Variants in CLCNKB observed in about 807,000 individuals in gnomAD.
CLCNKB encodes chloride voltage-gated channel Kb, also known as chloride channel protein ClC-Kb.
A neutral mutation model predicts 83.8 loss-of-function variants in CLCNKB; 74 were observed. The ratio of observed to expected loss-of-function variants is 0.88; its 90% CI spans 0.73 to 1.07. The LOEUF is 1.07. CLCNKB is among the 50% of genes least tolerant of loss of function. The pLI, the probability that CLCNKB is intolerant of heterozygous loss-of-function variation, is 0.00. For synonymous variants in CLCNKB, 358 were observed against 356.6 expected (o/e 1.00, Z -0.04); for missense variants, 798 against 893.6 (o/e 0.89, Z 1.36).
chr1:16,045,536 G>C, intron 2 of CLCNKB, 22 bp from the exon 3 acceptor site: 1 of 1,611,240 alleles, frequency 6.2e-7, no homozygotes, highest in Non-Finnish European at 8.5e-7. Flanking sequence ...ACCCTGTGCC[G>C]TGACCCCATG....
chr1:16,052,109 C>G, intron 14 of CLCNKB, 89 bp from the exon 15 acceptor site: 4 of 1,526,458 alleles, frequency 2.6e-6, no homozygotes, highest in Non-Finnish European at 3.6e-6. Flanking sequence ...CAAATCACAC[C>G]TTAGCCCCTG....
rs2023476326 is a variant in CLCNKB at position 16,057,184 on chromosome 1, C to T, written c.*268C>T. ...CCAGTATCTGCCAGTTGCTCAGTGACTGGCCATCACATTAATGAATGATGA... is the reference window on the plus strand; with the variant it reads ...CCAGTATCTGCCAGTTGCTCAGTGATTGGCCATCACATTAATGAATGATGA... On this transcript the variant is annotated 3_prime_UTR_variant, in exon 20 of 20. Coordinates refer to ENST00000375679, the MANE Select transcript of CLCNKB (RefSeq NM_000085.5). The T allele has an allele frequency of 1.4e-6, 1 of 693,286 alleles. No individual in the cohort carries two copies. Among genetic ancestry groups the T allele is most frequent in the African/African-American group, 1.8e-5 (1 of 56,914 alleles). 42.9% of individuals were successfully genotyped at this position (693,286 alleles called of 1,614,324 possible).
chr1:16,052,031 T>G (rs920356010), intron 14 of CLCNKB, among the ~76,000 whole-genome samples, 167 bp from the exon 15 acceptor site: 2 of 152,086 alleles, frequency 1.3e-5, no homozygotes, highest in Non-Finnish European at 2.9e-5. Flanking sequence ...GCGGCCTCCC[T>G]TATCCCTCTC....
chr1:16,049,176 A>G lies in CLCNKB; in HGVS notation c.712A>G (p.Arg238Gly). 1.9e-6 allele frequency: 3 copies of G among 1,613,386 alleles called. No individual in the cohort carries two copies. The highest frequency in any genetic ancestry group is 2.5e-6 in the Non-Finnish European group (3 of 1,179,958). The change falls in exon 8 of 20, where the codon AGG (arginine) becomes GGG (glycine). Residue 238 changes from arginine (R) to glycine (G), a missense_variant. Transcript: ENST00000375679. Reference sequence around the variant, plus strand: ...CCACTTCTCTGTCTGGGATTACTGGAGGGGCTTCTTTGCGGCCACCTGCGG... The same window carrying G: ...CCACTTCTCTGTCTGGGATTACTGGGGGGGCTTCTTTGCGGCCACCTGCGG... ...SSHFSVWDYW[R>G]GFFAATCGAF... is the part of the protein sequence containing the mutation.
chr1:16,056,133 G>A (rs1009242001), intron 18 of CLCNKB, among the ~76,000 whole-genome samples: 4 of 152,342 alleles, frequency 2.6e-5, no homozygotes, highest in East Asian at 1.9e-4. Context: ...CCTGGCACAC[G>A]GGTTGGGGAG....
rs374100834 is a variant in CLCNKB, at chr1:16,045,755, G to T, written c.229+69G>T. ...GAGCTCTCTCTGGGGATGCCAGGTG[G>T]ATGTCGCCAGGTGCAGCGGAGGTTG... On this transcript the variant is annotated intron_variant, in intron 3 of 19. Transcript: ENST00000375679. 5.8e-5 allele frequency: 75 copies of T among 1,293,818 alleles called. No individual in the cohort carries two copies. The East Asian group carries it at 2.3e-3, about 40-fold the overall frequency. 80.1% of individuals were successfully genotyped at this position (1,293,818 alleles called of 1,614,324 possible).
rs1346451575 is a variant in CLCNKB at position 16,052,420 on chromosome 1, T to G, written c.1622+9T>G. On this transcript the variant is annotated intron_variant, in intron 15 of 19. Coordinates refer to ENST00000375679, the MANE Select transcript of CLCNKB (RefSeq NM_000085.5). ...CTGGGCCGCAACATCGGGTGAGTGG[T>G]GCCCACCTCAGGCTGACTGAAGGGG... 3 of 1,612,624 alleles carry G rather than the reference T, an allele frequency of 1.9e-6. No homozygotes were observed. The highest frequency in any genetic ancestry group is 2.2e-5 in the South Asian group (2 of 91,066).
chr1:16,051,853 T>C, intron 14 of CLCNKB, 33 bp downstream of exon 14: 1 of 1,553,270 alleles, frequency 6.4e-7, no homozygotes, highest in Non-Finnish European at 8.9e-7. Flanking sequence ...GCGTGGGCAA[T>C]GTCGTGCGGC....
intron 18 of CLCNKB, 72 bp from the exon 19 acceptor site, chr1:16,056,350 C>T (rs1288869908): frequency 7.6e-6 from 11 of 1,446,074 alleles, no homozygotes; most frequent in Non-Finnish European, 1.1e-5. Flanking sequence ...GGCTCAGAGG[C>T]GTGGTGGAGT....
chr1:16,056,697 G>A (rs1236382468), intron 19 of CLCNKB, among the ~76,000 whole-genome samples, 172 bp from the exon 20 acceptor site: 1 of 151,968 alleles, frequency 6.6e-6, no homozygotes, highest in African/African-American at 2.4e-5. Flanking sequence ...CTTGTTTTCT[G>A]GCCAGTGGCC....
Position 16,047,890 on chromosome 1 carries a change from C to A in CLCNKB, c.359-15C>A. 3.1e-6 allele frequency: 5 copies of A among 1,612,968 alleles called. No homozygotes were observed. Among genetic ancestry groups the A allele is most frequent in the Non-Finnish European group, 4.2e-6 (5 of 1,179,840 alleles). On this transcript the variant is annotated splice_polypyrimidine_tract_variant and intron_variant, in intron 4 of 19. Transcript: ENST00000375679. ...AGAGATTGTCCCCCTCCTGGCCCTG[C>A]CCACCCCCGCCAAGGTTCTGGAATC...
intron 16 of CLCNKB, 106 bp downstream of exon 16, chr1:16,053,878 C>T (rs1375449650): frequency 2.8e-6 from 4 of 1,451,808 alleles, no homozygotes; most frequent in Non-Finnish European, 3.8e-6. Flanking sequence ...TGTGACTTAG[C>T]AACCAACCGT....
chr1:16,049,796 A>C lies in CLCNKB; in HGVS notation c.867-19A>C. 6.2e-7 allele frequency: 1 copy of C among 1,613,728 alleles called. No homozygotes were observed. The highest frequency in any genetic ancestry group is 8.5e-7 in the Non-Finnish European group (1 of 1,179,856). On this transcript the variant is annotated intron_variant, in intron 9 of 19. Coordinates refer to ENST00000375679, the MANE Select transcript of CLCNKB (RefSeq NM_000085.5). ...GGTACTGGGGTCGGGCTCTGGGCTC[A>C]TGTCTCCATGCTCCCCAGGGGTCTC... is the stretch of plus-strand genomic sequence containing the variant.
In CLCNKB at chr1:16,055,650, A is replaced by C; in HGVS notation, c.1846-25A>C. 4 of 1,612,772 alleles carry C rather than the reference A, an allele frequency of 2.5e-6. No homozygotes were observed. In the South Asian group the frequency reaches 4.4e-5, roughly 18 times the overall value. ...GGCATCCTGGGGAGGCCAGCCCTGC[A>C]CCTGTAACCCTTCCCCACCCCCAGC... On this transcript the variant is annotated intron_variant, in intron 17 of 19. Coordinates refer to ENST00000375679, the MANE Select transcript of CLCNKB (RefSeq NM_000085.5).
At chr1:16,051,962 C>A (rs538690548) in intron 14 of CLCNKB, 142 bp downstream of exon 14, 32 of 851,626 alleles carry the variant, frequency 3.8e-5, no homozygotes, top group Non-Finnish European at 5.5e-5. Context: ...GTCTGTCCCT[C>A]CTGAGCCCCA....
In CLCNKB at chr1:16,044,517, G is replaced by A; in HGVS notation, c.25G>A (p.Glu9Lys). 6.2e-7 allele frequency: 1 copy of A among 1,606,046 alleles called. No homozygotes were observed. The highest frequency in any genetic ancestry group is 1.7e-4 in the Middle Eastern group (1 of 6,056). ...GATGGAGGAGTTTGTGGGGCTGCGTGAAGGCTCCTCAGGGAACCCTGTGAC... is the reference window on the plus strand; with the variant it reads ...GATGGAGGAGTTTGTGGGGCTGCGTAAAGGCTCCTCAGGGAACCCTGTGAC... MEEFVGLR[E>K]GSSGNPVTLQ... Residue 9 changes from glutamate (E) to lysine (K), a missense_variant, in exon 2 of 20, where the codon GAA becomes AAA. By Grantham distance (56) the Glu-to-Lys change is moderately conservative. Coordinates refer to ENST00000375679, the MANE Select transcript of CLCNKB (RefSeq NM_000085.5).
intron 5 of CLCNKB, 107 bp from the exon 6 acceptor site, chr1:16,048,236 G>A: frequency 2.7e-6 from 4 of 1,498,772 alleles, no homozygotes; most frequent in Non-Finnish European, 3.7e-6. Flanking sequence ...CGGCCGTGGG[G>A]GCTTGGGAGA....
In CLCNKB at chr1:16,046,584, T is replaced by A; in HGVS notation, c.279T>A (p.Tyr93Ter). Residue 93 changes from tyrosine to a stop codon, truncating the protein, a stop_gained, in exon 4 of 20, where the codon TAT becomes TAA. Coordinates refer to ENST00000375679, the MANE Select transcript of CLCNKB (RefSeq NM_000085.5). LOFTEE classifies it high-confidence loss of function. ...TTGGGGACAGCCACCTGCTCCGGTA[T>A]CTCTCCTGGACTGTGTACCCTGTGG... ...REIGDSHLLR[Y>*]LSWTVYPVAL... is the part of the protein sequence containing the mutation. 1 of 1,614,122 alleles carries A rather than the reference T, an allele frequency of 6.2e-7. No homozygotes were observed. Among genetic ancestry groups the A allele is most frequent in the South Asian group, 1.1e-5 (1 of 91,080 alleles).
At position 16,049,908 on chromosome 1, in the gene CLCNKB, G is replaced by C; in HGVS notation, c.960G>C (p.Leu320=). ...IRNNRFSSKL[L]ATSKPVYSAL... ...ACAATAGGTTCAGCTCCAAACTGCT[G>C]GCCACCAGGTAGGCTCCGGGCTAAG... The change falls in exon 10 of 20, where the codon CTG becomes CTC. Residue 320 remains leucine (L), a synonymous_variant. Transcript: ENST00000375679. The C allele has an allele frequency of 6.2e-7, 1 of 1,613,676 alleles. No individual in the cohort carries two copies. Among genetic ancestry groups the C allele is most frequent in the East Asian group, 2.2e-5 (1 of 44,872 alleles).
Sources: allele counts gnomAD v4.1 joint callset (sites outside exome capture counted in the v4.1 genomes callset), GRCh38; gene constraint gnomAD v4.1.1; transcripts MANE v1.5; gene names NCBI Gene and HGNC (gene_info 2026-07-23, HGNC 2026-07-21).